The following PLPP4 variants were observed in gnomAD, a reference collection of about 807,000 sequenced individuals.
The protein encoded by PLPP4 is phospholipid phosphatase 4, also known as diacylglycerol pyrophosphate like 2.
In PLPP4, 20 loss-of-function variants were observed where a neutral mutation model predicts 32.2. The ratio of observed to expected loss-of-function variants is 0.62; its 90% confidence interval spans 0.44 to 0.90. The LOEUF (loss-of-function observed/expected upper bound fraction) is 0.90, where lower values mean the gene tolerates loss of function less well. PLPP4 is among the 40% of genes least tolerant of loss of function. The pLI is 0.00. For synonymous variants in PLPP4, 127 were observed against 133.0 expected (o/e 0.95, Z 0.31); for missense variants, 257 against 353.1 (o/e 0.73, Z 2.18).
intron 2 of PLPP4, among the ~76,000 whole-genome samples, chr10:120,507,373 CATCATCATCATCATT>C (rs879939690): frequency 0.063 from 9,480 of 151,360 alleles, 385 homozygotes; most frequent in South Asian, 0.16. Flanking sequence ...TCATCATCAT[CATCATCATCATCATT>C]ATCATCATCA....
chr10:120,458,876 G>A (rs1179439054), intron 1 of PLPP4, among the ~76,000 whole-genome samples: 1 of 152,164 alleles, frequency 6.6e-6, no homozygotes, highest in Non-Finnish European at 1.5e-5. Context: ...TGATAAACTA[G>A]TTTTCAGTGC....
chr10:120,534,674 C>T (rs113732293), intron 5 of PLPP4, among the ~76,000 whole-genome samples: 12 of 152,118 alleles, frequency 7.9e-5, no homozygotes, highest in South Asian at 2.1e-4. Context: ...AAATCGCTAT[C>T]GGACTATCTT....
intron 2 of PLPP4, among the ~76,000 whole-genome samples, chr10:120,510,889 C>T (rs1845699219): frequency 6.6e-6 from 1 of 152,118 alleles, no homozygotes; most frequent in Admixed American, 6.6e-5. Flanking sequence ...ACACTAGGGC[C>T]CATTGCTTTT....
rs781162515 is a variant in PLPP4, at chr10:120,556,384, C to T, written c.446-18747C>T. ...TCCTTTGTCATGTTAGAAATCACAG[C>T]GGGAGTGGAACAGTTATGTTTAACT... On this transcript the variant is annotated intron_variant, in intron 5 of 6. Transcript: ENST00000398250. 5.9e-5 allele frequency among the ~76,000 whole-genome samples: 9 copies of T among 152,114 alleles called. No individual in the cohort carries two copies. In the South Asian group the frequency reaches 1.0e-3, roughly 18 times the overall value.
chr10:120,474,940 T>A (rs1843829414), intron 1 of PLPP4, among the ~76,000 whole-genome samples: 2 of 152,186 alleles, frequency 1.3e-5, no homozygotes, highest in South Asian at 2.1e-4. Flanking sequence ...AGCGTCACAT[T>A]GTTAATAAAT....
chr10:120,577,214 G>A (rs1287278674), intron 6 of PLPP4, among the ~76,000 whole-genome samples: 1 of 152,158 alleles, frequency 6.6e-6, no homozygotes, highest in Admixed American at 6.5e-5. Flanking sequence ...TTATTTGTAA[G>A]CTATGAATGC....
intron 1 of PLPP4, among the ~76,000 whole-genome samples, chr10:120,466,163 G>A (rs957024916): frequency 2.0e-5 from 3 of 152,180 alleles, no homozygotes; most frequent in African/African-American, 7.2e-5. Flanking sequence ...CTGCTGAGCA[G>A]CTACCTTGTA....
At chr10:120,458,394 G>A (rs947960113) in intron 1 of PLPP4, among the ~76,000 whole-genome samples, 3 of 152,018 alleles carry the variant, frequency 2.0e-5, no homozygotes, top group Non-Finnish European at 4.4e-5. Context: ...TTTTGTTTTC[G>A]TTTCTGGAAA....
At chr10:120,573,184 G>A (rs992714801) in intron 5 of PLPP4, among the ~76,000 whole-genome samples, 1 of 152,138 alleles carries the variant, frequency 6.6e-6, no homozygotes, top group Non-Finnish European at 1.5e-5. Flanking sequence ...GAGGGGGAGG[G>A]TGCTAATCAT....
intron 5 of PLPP4, among the ~76,000 whole-genome samples, chr10:120,534,937 A>G (rs1377186267): frequency 1.3e-5 from 2 of 152,096 alleles, no homozygotes; most frequent in Non-Finnish European, 2.9e-5. Context: ...TAAATCTGGC[A>G]TCTGGTGGCC....
At chr10:120,531,908 A>G (rs1220909604) in intron 5 of PLPP4, among the ~76,000 whole-genome samples, 1 of 152,022 alleles carries the variant, frequency 6.6e-6, no homozygotes, top group East Asian at 1.9e-4. Context: ...ATATATATAT[A>G]TACACACATA....
intron 5 of PLPP4, among the ~76,000 whole-genome samples, chr10:120,552,558 A>G (rs771133526): frequency 3.3e-5 from 5 of 152,212 alleles, no homozygotes; most frequent in Non-Finnish European, 7.3e-5. Context: ...TTCAATGTGC[A>G]TATTTCCTGT....
At chr10:120,457,411 C>A in intron 1 of PLPP4, 50 bp downstream of exon 1, 4 of 1,487,814 alleles carry the variant, frequency 2.7e-6, no homozygotes, top group South Asian at 1.3e-5. Flanking sequence ...GGGGAACAAC[C>A]GACCAAGCCT....
At chr10:120,583,527 A>G (rs948795242) in intron 6 of PLPP4, among the ~76,000 whole-genome samples, 1 of 152,150 alleles carries the variant, frequency 6.6e-6, no homozygotes, top group African/African-American at 2.4e-5. Flanking sequence ...TTGTGCAACC[A>G]TTACCACTAT....
intron 1 of PLPP4, among the ~76,000 whole-genome samples, chr10:120,491,831 C>G (rs993785871): frequency 7.4e-6 from 1 of 135,702 alleles, no homozygotes; most frequent in Non-Finnish European, 1.7e-5. Flanking sequence ...ACAACAAAAC[C>G]CAACAACAAC....
At chr10:120,577,434 G>A (rs1382409916) in intron 6 of PLPP4, among the ~76,000 whole-genome samples, 1 of 152,182 alleles carries the variant, frequency 6.6e-6, no homozygotes, top group Non-Finnish European at 1.5e-5. Flanking sequence ...CATGGCCAGA[G>A]TAAAGGAATG....
chr10:120,475,049 G>T (rs1436359891), intron 1 of PLPP4, among the ~76,000 whole-genome samples: 1 of 152,122 alleles, frequency 6.6e-6, no homozygotes, highest in Non-Finnish European at 1.5e-5. Flanking sequence ...AAAGGGGCTG[G>T]TAGTGAGGCT....
chr10:120,578,393 G>A (rs953884701), intron 6 of PLPP4, among the ~76,000 whole-genome samples: 2 of 152,196 alleles, frequency 1.3e-5, no homozygotes, highest in Admixed American at 1.3e-4. Flanking sequence ...CATCCATCAT[G>A]GTGAGAATTC....
intron 6 of PLPP4, among the ~76,000 whole-genome samples, chr10:120,578,685 T>G (rs1849338866): frequency 6.6e-6 from 1 of 152,244 alleles, no homozygotes; most frequent in Non-Finnish European, 1.5e-5. Context: ...ACAAATCTAT[T>G]GTTTTATTAA....
Sources: allele counts gnomAD v4.1 joint callset (sites outside exome capture counted in the v4.1 genomes callset), GRCh38; gene constraint gnomAD v4.1.1; transcripts MANE v1.5; gene names NCBI Gene and HGNC (gene_info 2026-07-23, HGNC 2026-07-21).